Variants in RGSL1 observed in about 807,000 individuals in gnomAD.
The protein encoded by RGSL1 is regulator of G protein signaling like 1.
A neutral mutation model predicts 124.7 loss-of-function variants in RGSL1; 97 were observed. The observed-to-expected ratio is 0.78, with a 90% CI of 0.66 to 0.92. The LOEUF is 0.92. Ranked by LOEUF, RGSL1 falls within the 40% of genes least tolerant of loss-of-function variation. The pLI is 0.00. For synonymous variants in RGSL1, 424 were observed against 438.1 expected, an observed-to-expected ratio of 0.97 and a Z score of 0.40; for missense variants, 1,233 against 1,288.4, an observed-to-expected ratio of 0.96 and a Z score of 0.66.
intron 9 of RGSL1, among the ~76,000 whole-genome samples, chr1:182,517,768 T>C (rs955200595): frequency 4.6e-5 from 7 of 152,184 alleles, no homozygotes; most frequent in African/African-American, 1.7e-4. Context: ...TTCAATGGCT[T>C]TCCGAATTGT....
chr1:182,523,647 A>G (rs1448693218), intron 10 of RGSL1, among the ~76,000 whole-genome samples: 1 of 152,200 alleles, frequency 6.6e-6, no homozygotes, highest in Non-Finnish European at 1.5e-5. Flanking sequence ...AAGACCAAGC[A>G]GAATAGCTCA....
At chr1:182,526,642 A>G (rs1450416784) in intron 10 of RGSL1, among the ~76,000 whole-genome samples, 1 of 152,222 alleles carries the variant, frequency 6.6e-6, no homozygotes, top group Non-Finnish European at 1.5e-5. Context: ...ACTGCACTTC[A>G]GCCTGGGTTA....
At chr1:182,459,520 C>T (rs370997807) in intron 3 of RGSL1, among the ~76,000 whole-genome samples, 1 of 152,164 alleles carries the variant, frequency 6.6e-6, no homozygotes, top group Non-Finnish European at 1.5e-5. Flanking sequence ...TGGCTTGATC[C>T]TTCAGAATAT....
In RGSL1 at chr1:182,473,992, C is replaced by G. The variant is rs1010906234; in HGVS notation, c.881C>G (p.Ser294Cys). The G allele has an allele frequency of 1.3e-6, 2 of 1,551,766 alleles. No homozygotes were observed. Among genetic ancestry groups the G allele is most frequent in the African/African-American group, 2.7e-5 (2 of 73,048 alleles). ...GAGAAGGTGGTTATACAAATGCCTT[C>G]CCTGAAAATGGCTTCTTCAAAGGAA... The part of the protein sequence containing the change: ...PQEKVVIQMP[S>C]LKMASSKETR... The change falls in exon 6 of 22, where the codon TCC (serine) becomes TGC (cysteine). Residue 294 changes from serine to cysteine, a missense_variant. Coordinates refer to ENST00000294854, the MANE Select transcript of RGSL1 (RefSeq NM_001137669.2).
chr1:182,476,348 T>C (rs1219702380), intron 6 of RGSL1, among the ~76,000 whole-genome samples: 1 of 152,208 alleles, frequency 6.6e-6, no homozygotes, highest in Non-Finnish European at 1.5e-5. Flanking sequence ...AAGACTAGCC[T>C]ATCACAGTTA....
intron 4 of RGSL1, among the ~76,000 whole-genome samples, chr1:182,465,385 T>C (rs928555281): frequency 6.7e-6 from 1 of 149,126 alleles, no homozygotes; most frequent in South Asian, 2.1e-4. Context: ...ACACCGCATG[T>C]TCTCACTCAT....
chr1:182,480,076 A>T (rs1305400843), intron 6 of RGSL1, among the ~76,000 whole-genome samples: 1 of 152,200 alleles, frequency 6.6e-6, no homozygotes, highest in Non-Finnish European at 1.5e-5. Context: ...TTCATAATGG[A>T]TACATCATAC....
At chr1:182,493,741 G>GC (rs1431956745) in intron 9 of RGSL1, among the ~76,000 whole-genome samples, 2 of 152,214 alleles carry the variant, frequency 1.3e-5, no homozygotes, top group Non-Finnish European at 2.9e-5. Context: ...TTTGGCTGAA[G>GC]CAACTTCCAG....
At chr1:182,463,167 G>T (rs148096992) in intron 4 of RGSL1, among the ~76,000 whole-genome samples, 2 of 151,922 alleles carry the variant, frequency 1.3e-5, no homozygotes, top group African/African-American at 4.8e-5. Context: ...GGTGACAGGC[G>T]CCTGTAGTCC....
In RGSL1 at chr1:182,548,492, A is replaced by G. The variant is rs1377218823; in HGVS notation, c.2808+37A>G. ...TCCCACTCCACTCTGGCCTTTCACC[A>G]AGAAGCATTTCCCCCACAAGGACAA... is the stretch of plus-strand genomic sequence containing the variant. On this transcript the variant is annotated intron_variant, in intron 16 of 21. Transcript: ENST00000294854. The G allele has an allele frequency of 3.9e-6, 6 of 1,548,882 alleles. No individual in the cohort carries two copies. In the East Asian group the frequency reaches 1.2e-4, roughly 32 times the overall value.
Position 182,493,067 on chromosome 1 carries a change from A to G in RGSL1, c.1763A>G (p.Lys588Arg). The G allele has an allele frequency of 6.4e-7, 1 of 1,551,862 alleles. No homozygotes were observed. Among genetic ancestry groups the G allele is most frequent in the East Asian group, 2.4e-5 (1 of 40,912 alleles). Residue 588 changes from lysine to arginine, a missense_variant, in exon 9 of 22, where the codon AAG becomes AGG. By Grantham distance (26) the Lys-to-Arg change is conservative. Coordinates refer to ENST00000294854, the MANE Select transcript of RGSL1 (RefSeq NM_001137669.2). ...GAGGAGCTTTGCTACAAGAACCCAAAGATGGCCATACAGAAGATCAGTGAT... is the reference window on the plus strand; with the variant it reads ...GAGGAGCTTTGCTACAAGAACCCAAGGATGGCCATACAGAAGATCAGTGAT... ...SFEELCYKNP[K>R]MAIQKISDDY...
rs1652690727 is a variant in RGSL1 at position 182,460,133 on chromosome 1, G to A, written c.301G>A (p.Gly101Ser). Residue 101 changes from glycine (G) to serine (S), a missense_variant and splice_region_variant, in exon 4 of 22, where the codon GGT (glycine) becomes AGT (serine). Transcript: ENST00000294854. Reference sequence around the variant, plus strand: ...CAGTTTCATTAAGTCCCCAGAAGGAGGTAAGCATTGGTGTGCATGCGTGTG... The same window carrying A: ...CAGTTTCATTAAGTCCCCAGAAGGAAGTAAGCATTGGTGTGCATGCGTGTG... ...FISFIKSPEG[G>S]EELVDFWILA... 2 of 1,548,812 alleles carry A rather than the reference G, an allele frequency of 1.3e-6. No homozygotes were observed. The highest frequency in any genetic ancestry group is 1.7e-6 in the Non-Finnish European group (2 of 1,146,362).
At chr1:182,550,166 A>G (rs951928179) in intron 17 of RGSL1, 1 of 152,212 alleles carries the variant, frequency 6.6e-6, no homozygotes. Context: ...GAGTATTATT[A>G]TCCCTGTTTT....
intron 16 of RGSL1, 28 bp from the exon 17 acceptor site, chr1:182,548,672 C>T: frequency 6.5e-7 from 1 of 1,550,304 alleles, no homozygotes; most frequent in Non-Finnish European, 8.7e-7. Context: ...GAGCCTCTGC[C>T]AGTGACAGGC....
chr1:182,490,196 T>G (rs1655415831), intron 8 of RGSL1, among the ~76,000 whole-genome samples: 2 of 152,182 alleles, frequency 1.3e-5, no homozygotes, highest in South Asian at 4.1e-4. Context: ...GACCTACACT[T>G]TGAAAAACAT....
At chr1:182,515,898 T>C (rs2102216940) in intron 9 of RGSL1, among the ~76,000 whole-genome samples, 1 of 152,364 alleles carries the variant, frequency 6.6e-6, no homozygotes, top group East Asian at 1.9e-4. Context: ...CACATCGTTC[T>C]GAATTGCACC....
intron 15 of RGSL1, among the ~76,000 whole-genome samples, chr1:182,543,770 T>C (rs1369769132): frequency 3.3e-5 from 5 of 152,066 alleles, no homozygotes; most frequent in Non-Finnish European, 7.4e-5. Flanking sequence ...TGGTAGTTTT[T>C]ATGCGTCCAA....
At chr1:182,513,959 T>A (rs531560616) in intron 9 of RGSL1, among the ~76,000 whole-genome samples, 1 of 151,118 alleles carries the variant, frequency 6.6e-6, no homozygotes, top group Non-Finnish European at 1.5e-5. Context: ...AATGGTGTGA[T>A]CTTGGCTCAC....
At chr1:182,514,158 G>T (rs999381406) in intron 9 of RGSL1, among the ~76,000 whole-genome samples, 4 of 152,150 alleles carry the variant, frequency 2.6e-5, no homozygotes, top group Non-Finnish European at 5.9e-5. Flanking sequence ...CTCTCAAAGT[G>T]CTGGGATTAT....
Sources: gnomAD v4.1 joint callset for allele counts (sites outside exome capture counted in the v4.1 genomes callset) on GRCh38, gnomAD v4.1.1 for gene constraint, MANE v1.5 for transcripts, NCBI Gene and HGNC (gene_info 2026-07-23, HGNC 2026-07-21) for gene names.